COL11A1: variants seen among roughly 807,000 people sequenced by gnomAD.
COL11A1 encodes the protein collagen type XI alpha 1 chain.
COL11A1 carries 74 observed loss-of-function variants against 265.2 expected under a neutral mutation model. The ratio of observed to expected loss-of-function variants is 0.28; its 90% CI spans 0.23 to 0.34. The LOEUF (loss-of-function observed/expected upper bound fraction) is 0.34, where lower values mean the gene tolerates loss of function less well. COL11A1 is among the 10% of genes least tolerant of loss of function. The pLI, the probability that COL11A1 is intolerant of heterozygous loss-of-function variation, is 1.00. For missense variants in COL11A1, 2,165 were observed against 2,263.6 expected (o/e 0.96, Z 0.88); for synonymous variants, 816 against 727.6 (o/e 1.12, Z -1.96).
chr1:103,070,230 T>A (rs143516386), intron 4 of COL11A1, among the ~76,000 whole-genome samples: 2,150 of 148,594 alleles, frequency 0.014, 40 homozygotes, highest in African/African-American at 0.05. Context: ...ATAATAATAA[T>A]AATAATAATA....
chr1:103,039,528 G>C (rs540904198), intron 4 of COL11A1, among the ~76,000 whole-genome samples: 4 of 151,700 alleles, frequency 2.6e-5, no homozygotes, highest in African/African-American at 9.7e-5. Context: ...AACACACACA[G>C]AGGAAAGACC....
rs1224654721 is a variant in COL11A1, at chr1:102,886,957, G to T, written c.4708C>A (p.Leu1570Ile). ...GMQADADDNILDYSDGMEEIF... is the reference protein window; with the variant it reads ...GMQADADDNIIDYSDGMEEIF... ...TCTTCCATTCCATCCGAGTAATCAA[G>T]AATATTATCATCTGCATCTGCTTGC... Residue 1570 changes from leucine to isoleucine, a missense_variant, in exon 63 of 67, where the codon CTT becomes ATT. Coordinates refer to ENST00000370096, the MANE Select transcript of COL11A1 (RefSeq NM_001854.4). 4 of 1,613,822 alleles carry T rather than the reference G, an allele frequency of 2.5e-6. No homozygotes were observed. Among genetic ancestry groups the T allele is most frequent in the Admixed American group, 1.7e-5 (1 of 59,996 alleles).
chr1:103,030,174 C>T (rs913405184), intron 5 of COL11A1, among the ~76,000 whole-genome samples: 4 of 151,916 alleles, frequency 2.6e-5, no homozygotes, highest in African/African-American at 7.2e-5. Context: ...AATAAAATAT[C>T]CCAGTAATTT....
chr1:102,949,223 T>C (rs913122286), intron 41 of COL11A1, among the ~76,000 whole-genome samples: 5 of 150,212 alleles, frequency 3.3e-5, no homozygotes, highest in Non-Finnish European at 7.4e-5. Flanking sequence ...CACTGATTTA[T>C]TGAGGATCAA....
Position 102,883,136 on chromosome 1 carries a change from T to C in COL11A1, c.4971+63A>G. On this transcript the variant is annotated intron_variant, in intron 64 of 66. Transcript: ENST00000370096. Reference sequence around the variant, plus strand: ...ATGACAGTATAATTTTCCTGTTTAGTTCAATATTGCAAAACATGGCAGGAA... The same window carrying C: ...ATGACAGTATAATTTTCCTGTTTAGCTCAATATTGCAAAACATGGCAGGAA... The C allele has an allele frequency of 3.7e-6, 4 of 1,068,858 alleles. 1 individual carries two copies. Among genetic ancestry groups the C allele is most frequent in the Non-Finnish European group, 5.9e-6 (4 of 682,486 alleles). The allele number at this position is 1,068,858 out of a possible 1,614,324, so 66.2% of individuals were successfully genotyped here. A position where few individuals can be genotyped will look rare whatever the true frequency, so the allele number is the denominator to read the frequency against.
chr1:102,962,287 G>C (rs199742223), intron 39 of COL11A1, 22 bp from the exon 40 acceptor site: 1 of 1,551,314 alleles, frequency 6.4e-7, no homozygotes, highest in Non-Finnish European at 8.9e-7. Context: ...AATAAACATC[G>C]TCAAGACAGA....
intron 49 of COL11A1, 58 bp from the exon 50 acceptor site, chr1:102,915,742 A>G (rs1474261230): frequency 3.8e-6 from 5 of 1,312,464 alleles, no homozygotes; most frequent in Non-Finnish European, 5.5e-6. Context: ...TACATTTATA[A>G]AATTCAAATG....
chr1:103,049,691 G>A (rs1669626159), intron 4 of COL11A1, among the ~76,000 whole-genome samples: 1 of 152,130 alleles, frequency 6.6e-6, no homozygotes, highest in Non-Finnish European at 1.5e-5. Flanking sequence ...TTTCTTCCTA[G>A]CCTTGATGGT....
rs115916811 is a variant in COL11A1, at chr1:103,106,136, T to G, written c.106+1937A>C. ...TTCAGGTATGTTGCTAGACTGAAAATAGAAAATTTATGCATGAAAAGTACA... is the reference window on the plus strand; with the variant it reads ...TTCAGGTATGTTGCTAGACTGAAAAGAGAAAATTTATGCATGAAAAGTACA... On this transcript the variant is annotated intron_variant, in intron 1 of 66. Coordinates refer to ENST00000370096, the MANE Select transcript of COL11A1 (RefSeq NM_001854.4). Among the ~76,000 whole-genome samples the G allele has an allele frequency of 1.9e-3, 291 of 152,252 alleles. 1 individual carries two copies. The highest frequency in any genetic ancestry group is 6.7e-3 in the African/African-American group (278 of 41,550).
At position 102,923,320 on chromosome 1, in the gene COL11A1, A is replaced by G; in HGVS notation, c.3654+16T>C. ...ATATAACACATACCCATCAAACACCAAAAATAAAAACTTACCATGGGACCA... is the reference window on the plus strand; with the variant it reads ...ATATAACACATACCCATCAAACACCGAAAATAAAAACTTACCATGGGACCA... On this transcript the variant is annotated intron_variant, in intron 47 of 66. Coordinates refer to ENST00000370096, the MANE Select transcript of COL11A1 (RefSeq NM_001854.4). The G allele has an allele frequency of 6.2e-7, 1 of 1,602,320 alleles. No homozygotes were observed. The highest frequency in any genetic ancestry group is 8.5e-7 in the Non-Finnish European group (1 of 1,172,714).
At chr1:102,910,167 G>C (rs1447062379) in intron 54 of COL11A1, among the ~76,000 whole-genome samples, 1 of 151,610 alleles carries the variant, frequency 6.6e-6, no homozygotes, top group Non-Finnish European at 1.5e-5. Flanking sequence ...TCTTTTTTAT[G>C]TTTGCATTAA....
intron 53 of COL11A1, among the ~76,000 whole-genome samples, chr1:102,913,306 A>T (rs1022626374): frequency 6.6e-6 from 1 of 152,194 alleles, no homozygotes; most frequent in Non-Finnish European, 1.5e-5. Flanking sequence ...TTTGCTAATG[A>T]TAGGAAATAA....
chr1:102,939,580 T>C (rs1373230100), intron 43 of COL11A1, among the ~76,000 whole-genome samples: 1 of 151,438 alleles, frequency 6.6e-6, no homozygotes, highest in African/African-American at 2.4e-5. Context: ...GAGGCATGCT[T>C]GTAGTCTCAG....
chr1:103,093,198 T>C (rs1673465359), intron 1 of COL11A1, among the ~76,000 whole-genome samples: 1 of 152,102 alleles, frequency 6.6e-6, no homozygotes, highest in South Asian at 2.1e-4. Context: ...AGTCATTATA[T>C]GACAACTTAA....
chr1:103,038,321 T>C (rs1302917742), intron 4 of COL11A1, among the ~76,000 whole-genome samples: 1 of 151,976 alleles, frequency 6.6e-6, no homozygotes, highest in East Asian at 1.9e-4. Flanking sequence ...GAAAGTTAGC[T>C]GGGCATGGTG....
chr1:102,894,435 G>A (rs1437197969), intron 57 of COL11A1, among the ~76,000 whole-genome samples: 1 of 152,138 alleles, frequency 6.6e-6, no homozygotes, highest in African/African-American at 2.4e-5. Context: ...CCGAGAGGCT[G>A]AGGCGGGAGG....
At chr1:103,051,084 G>A (rs1669783569) in intron 4 of COL11A1, among the ~76,000 whole-genome samples, 1 of 152,228 alleles carries the variant, frequency 6.6e-6, no homozygotes, top group African/African-American at 2.4e-5. Flanking sequence ...CCCATTCTCA[G>A]ATCTCAAGCT....
chr1:103,007,329 T>C (rs1665716009), intron 15 of COL11A1, among the ~76,000 whole-genome samples: 1 of 152,164 alleles, frequency 6.6e-6, no homozygotes, highest in South Asian at 2.1e-4. Flanking sequence ...ATACTTTTCG[T>C]GGGGATCGAT....
At chr1:102,960,916 G>A (rs1213861625) in intron 41 of COL11A1, among the ~76,000 whole-genome samples, 1 of 152,108 alleles carries the variant, frequency 6.6e-6, no homozygotes, top group East Asian at 1.9e-4. Context: ...ACTGACTGAA[G>A]GGGATAAGAA....
Sources: gnomAD v4.1 joint callset for allele counts (sites outside exome capture counted in the v4.1 genomes callset) on GRCh38, gnomAD v4.1.1 for gene constraint, MANE v1.5 for transcripts, NCBI Gene and HGNC (gene_info 2026-07-23, HGNC 2026-07-21) for gene names.